Variants in SETBP1 observed in about 807,000 individuals in gnomAD.
The protein encoded by SETBP1 is SET-binding protein.
In SETBP1, 9 loss-of-function variants were observed where a neutral mutation model predicts 101.0. The observed-to-expected ratio is 0.09, with a 90% CI of 0.05 to 0.16. The LOEUF (loss-of-function observed/expected upper bound fraction) is 0.16, where lower values mean the gene tolerates loss of function less well. Ranked by LOEUF, SETBP1 falls within the 10% of genes least tolerant of loss-of-function variation. SETBP1 has a pLI of 1.00. For missense variants in SETBP1, 1,858 were observed against 2,033.8 expected (o/e 0.91, Z 1.66); for synonymous variants, 818 against 788.5 (o/e 1.04, Z -0.63).
rs751863857 is a variant in SETBP1, at chr18:44,950,489, C to T, written c.1149C>T (p.Ala383=). ...SADSAQEASP[A]RQNVSSASNP... is the part of the protein sequence containing the mutation. Reference sequence around the variant, plus strand: ...ATAGTGCCCAAGAGGCATCACCAGCCAGGCAGAACGTGAGTTCTGCCAGTA... The same window carrying T: ...ATAGTGCCCAAGAGGCATCACCAGCTAGGCAGAACGTGAGTTCTGCCAGTA... The change falls in exon 4 of 6, where the codon GCC becomes GCT. Residue 383 remains alanine, a synonymous_variant. Coordinates refer to ENST00000649279, the MANE Select transcript of SETBP1 (RefSeq NM_015559.3). 3 of 1,614,022 alleles carry T rather than the reference C, an allele frequency of 1.9e-6. No individual in the cohort carries two copies. The highest frequency in any genetic ancestry group is 2.7e-5 in the African/African-American group (2 of 74,934).
At chr18:44,742,481 G>A (rs1249859226) in intron 2 of SETBP1, among the ~76,000 whole-genome samples, 1 of 152,238 alleles carries the variant, frequency 6.6e-6, no homozygotes, top group Non-Finnish European at 1.5e-5. Flanking sequence ...GAGCACAAAA[G>A]TATAGCTCAT....
chr18:44,999,473 G>A (rs1355450953), intron 4 of SETBP1, among the ~76,000 whole-genome samples: 3 of 152,130 alleles, frequency 2.0e-5, no homozygotes, highest in Non-Finnish European at 4.4e-5. Context: ...AAAGTCTGTG[G>A]TCTTAACCTT....
chr18:44,702,486 G>A (rs1023009814), intron 2 of SETBP1, among the ~76,000 whole-genome samples: 13 of 152,140 alleles, frequency 8.5e-5, no homozygotes, highest in Non-Finnish European at 1.5e-4. Flanking sequence ...ACAAAAAATA[G>A]CTATAGAATT....
At chr18:44,915,826 C>G (rs964081943) in intron 3 of SETBP1, among the ~76,000 whole-genome samples, 1 of 152,168 alleles carries the variant, frequency 6.6e-6, no homozygotes, top group Non-Finnish European at 1.5e-5. Context: ...ATATGATCCT[C>G]ATTTTACAGA....
chr18:44,758,089 G>A (rs574848376), intron 2 of SETBP1, among the ~76,000 whole-genome samples: 12 of 152,226 alleles, frequency 7.9e-5, no homozygotes, highest in South Asian at 2.1e-4. Context: ...GCTTCCATCC[G>A]TCCCATCTAT....
chr18:44,920,510 C>T (rs895359490), intron 3 of SETBP1, among the ~76,000 whole-genome samples: 1 of 152,132 alleles, frequency 6.6e-6, no homozygotes, highest in Non-Finnish European at 1.5e-5. Flanking sequence ...AATTGTAATT[C>T]GGCTAAGCCC....
intron 3 of SETBP1, among the ~76,000 whole-genome samples, chr18:44,949,365 G>T (rs1032580462): frequency 1.3e-5 from 2 of 152,212 alleles, no homozygotes; most frequent in African/African-American, 4.8e-5. Flanking sequence ...AGGAGGAAGC[G>T]AGGAAAGACA....
chr18:44,689,647 G>C (rs1188883959), intron 1 of SETBP1, among the ~76,000 whole-genome samples: 1 of 152,212 alleles, frequency 6.6e-6, no homozygotes, highest in East Asian at 1.9e-4. Context: ...GGGAGCCCGA[G>C]GGGTTTAGTG....
intron 4 of SETBP1, among the ~76,000 whole-genome samples, chr18:45,031,028 C>G (rs978083637): frequency 6.6e-6 from 1 of 151,614 alleles, no homozygotes. Context: ...CTGCTCTGAT[C>G]TTAGTTATTT....
chr18:45,020,293 A>AAAAAAAAAAAAAAAAAAG, intron 4 of SETBP1, among the ~76,000 whole-genome samples: 1 of 133,986 alleles, frequency 7.5e-6, no homozygotes, highest in African/African-American at 2.9e-5. Context: ...AAAAAAAAAA[A>AAAAAAAAAAAAAAAAAAG]AAGTGGCTTC....
At chr18:44,996,575 C>T (rs1223836554) in intron 4 of SETBP1, among the ~76,000 whole-genome samples, 1 of 152,240 alleles carries the variant, frequency 6.6e-6, no homozygotes, top group East Asian at 1.9e-4. Context: ...TCTCAGAATC[C>T]TCCCCATTCA....
chr18:44,942,672 A>C (rs1005392526), intron 3 of SETBP1, among the ~76,000 whole-genome samples: 1 of 152,088 alleles, frequency 6.6e-6, no homozygotes, highest in South Asian at 2.1e-4. Flanking sequence ...CAATTATTTC[A>C]TATATTTTGT....
chr18:45,018,263 C>A (rs1350467781), intron 4 of SETBP1, among the ~76,000 whole-genome samples: 2 of 152,178 alleles, frequency 1.3e-5, no homozygotes, highest in African/African-American at 2.4e-5. Flanking sequence ...AAATTGAATT[C>A]TCTTATTTAT....
chr18:44,729,896 G>A (rs771657809), intron 2 of SETBP1, among the ~76,000 whole-genome samples: 11 of 152,218 alleles, frequency 7.2e-5, no homozygotes, highest in Non-Finnish European at 1.3e-4. Context: ...CTTTTGCACC[G>A]CAGGGTCACT....
chr18:44,775,493 T>G (rs1462817398), intron 2 of SETBP1, among the ~76,000 whole-genome samples: 1 of 152,206 alleles, frequency 6.6e-6, no homozygotes, highest in Non-Finnish European at 1.5e-5. Context: ...TGGCTACTTT[T>G]TTTTCTTTTT....
intron 2 of SETBP1, among the ~76,000 whole-genome samples, chr18:44,814,495 A>G (rs2071933960): frequency 6.6e-6 from 1 of 152,250 alleles, no homozygotes; most frequent in African/African-American, 2.4e-5. Context: ...AAGCAGACAT[A>G]CTGTCTGTTA....
At chr18:44,782,996 G>A (rs190833732) in intron 2 of SETBP1, among the ~76,000 whole-genome samples, 39 of 152,218 alleles carry the variant, frequency 2.6e-4, no homozygotes, top group Admixed American at 2.0e-3. Flanking sequence ...CTTAGTAAAC[G>A]TCAAGGATCA....
At chr18:44,762,681 A>G (rs923142870) in intron 2 of SETBP1, among the ~76,000 whole-genome samples, 4 of 152,246 alleles carry the variant, frequency 2.6e-5, no homozygotes, top group Non-Finnish European at 4.4e-5. Flanking sequence ...AAGGCAATGC[A>G]AGCCCATGTC....
Position 45,066,564 on chromosome 18 carries a change from G to C in SETBP1, c.*2866G>C, listed in dbSNP as rs2073969032. On this transcript the variant is annotated 3_prime_UTR_variant, in exon 6 of 6. Coordinates refer to ENST00000649279, the MANE Select transcript of SETBP1 (RefSeq NM_015559.3). ...CTGTCCAAACTCAGCTCAGCCGTGG[G>C]CCAATGCAGCTTACAGACGGTTGCA... 1 of 152,036 alleles carries C rather than the reference G, an allele frequency of 6.6e-6. No individual in the cohort carries two copies. Among genetic ancestry groups the C allele is most frequent in the African/African-American group, 2.4e-5 (1 of 41,342 alleles). 9.4% of individuals were successfully genotyped at this position (152,036 alleles called of 1,614,324 possible).
Sources: allele counts gnomAD v4.1 joint callset (sites outside exome capture counted in the v4.1 genomes callset), GRCh38; gene constraint gnomAD v4.1.1; transcripts MANE v1.5; gene names NCBI Gene and HGNC (gene_info 2026-07-23, HGNC 2026-07-21).